The following RIPK3 variants were observed in gnomAD, a reference collection of about 807,000 sequenced individuals.
RIPK3 encodes the protein receptor-interacting serine/threonine-protein kinase 3.
In RIPK3, 51 loss-of-function variants were observed where a neutral mutation model predicts 51.6. The ratio of observed to expected loss-of-function variants is 0.99; its 90% confidence interval spans 0.79 to 1.25. The LOEUF (loss-of-function observed/expected upper bound fraction) is 1.25, where lower values mean the gene tolerates loss of function less well. Ranked by LOEUF, RIPK3 falls within the 50% of genes most tolerant of loss-of-function variation. The pLI is 0.00. For synonymous variants in RIPK3, 246 were observed against 257.7 expected (o/e 0.95, Z 0.44); for missense variants, 654 against 650.4 (o/e 1.01, Z -0.06).
Position 24,339,939 on chromosome 14 carries a change from C to G in RIPK3, c.-113G>C. 1 of 1,172,692 alleles carries G rather than the reference C, an allele frequency of 8.5e-7. No homozygotes were observed. The highest frequency in any genetic ancestry group is 1.2e-6 in the Non-Finnish European group (1 of 831,168). 72.6% of individuals were successfully genotyped at this position (1,172,692 alleles called of 1,614,324 possible). ...GGAAGGGGTCTGTCTGTGCAGGGGT[C>G]AGTCTCTAGACCAAGACGGTGAGTC... On this transcript the variant is annotated 5_prime_UTR_variant, in exon 1 of 10. Coordinates refer to ENST00000216274, the MANE Select transcript of RIPK3 (RefSeq NM_006871.4). This position sits in a 1 kb window ranked among gnomAD's most constrained non-coding sequence, Gnocchi z 4.0.
chr14:24,339,006 C>T lies in RIPK3; in HGVS notation c.471+9G>A. The stretch of plus-strand genomic sequence containing the variant: ...GTCTTGAGGCTGAGAGGGGTGTAGA[C>T]CAGCTGACCTTGACGTGCAGCTCTG... On this transcript the variant is annotated intron_variant, in intron 3 of 9. Coordinates refer to ENST00000216274, the MANE Select transcript of RIPK3 (RefSeq NM_006871.4). The surrounding 1 kb of genome is among the most constrained non-coding windows in gnomAD (Gnocchi z 4.0). The T allele has an allele frequency of 3.7e-6, 6 of 1,607,884 alleles. No individual in the cohort carries two copies. Among genetic ancestry groups the T allele is most frequent in the Non-Finnish European group, 5.1e-6 (6 of 1,174,282 alleles).
chr14:24,337,200 T>C lies in RIPK3; in HGVS notation c.1161A>G (p.Thr387=), dbSNP rs568665584. Residue 387 remains threonine, a synonymous_variant, in exon 8 of 10, where the codon ACA becomes ACG. Coordinates refer to ENST00000216274, the MANE Select transcript of RIPK3 (RefSeq NM_006871.4). The stretch of plus-strand genomic sequence containing the variant: ...GAGGTTGGGCCATCGAATCTGAAGA[T>C]GTGCCTGCTGTCCAGGCTTGTGGAA... ...EQVPQAWTAG[T]SSDSMAQPPQ... is the part of the protein sequence containing the mutation. 16 of 1,613,722 alleles carry C rather than the reference T, an allele frequency of 9.9e-6. No individual in the cohort carries two copies. In the South Asian group the frequency reaches 1.5e-4, roughly 16 times the overall value.
At chr14:24,338,698 C>T in intron 3 of RIPK3, 131 bp from the exon 4 acceptor site, 1 of 1,299,554 alleles carries the variant, frequency 7.7e-7, no homozygotes, top group Non-Finnish European at 1.1e-6. Flanking sequence ...GAAGAGGTTC[C>T]CTTGGATGGT....
At position 24,336,035 on chromosome 14, in the gene RIPK3, T is replaced by G; in HGVS notation, c.*140A>C. On this transcript the variant is annotated 3_prime_UTR_variant, in exon 10 of 10. Coordinates refer to ENST00000216274, the MANE Select transcript of RIPK3 (RefSeq NM_006871.4). The stretch of plus-strand genomic sequence containing the variant: ...TGAGCTCAGACTGACTAGCATTCCA[T>G]CATGTTTATTGACTCCTGGGGGACA... 1.3e-6 allele frequency: 1 copy of G among 788,978 alleles called. No homozygotes were observed. The highest frequency in any genetic ancestry group is 1.7e-5 in the African/African-American group (1 of 57,232). 48.9% of individuals were successfully genotyped at this position (788,978 alleles called of 1,614,324 possible).
rs1177458460 is a variant in RIPK3 at position 24,336,919 on chromosome 14, C to T, written c.1302G>A (p.Trp434Ter). The change falls in exon 9 of 10, where the codon TGG becomes TGA. Residue 434 changes from tryptophan (W) to a stop codon, truncating the protein, a stop_gained. Transcript: ENST00000216274. LOFTEE classifies it low-confidence loss of function (END_TRUNC). ...NQGAERQGMN[W>*]SCRTPEPNPV... Reference sequence around the variant, plus strand: ...GATTTGGCTCCGGGGTCCTGCAGGACCAGTTCATGCCTTGTCTCTCAGCCC... The same window carrying T: ...GATTTGGCTCCGGGGTCCTGCAGGATCAGTTCATGCCTTGTCTCTCAGCCC... 1 of 1,614,014 alleles carries T rather than the reference C, an allele frequency of 6.2e-7. No homozygotes were observed. Among genetic ancestry groups the T allele is most frequent in the Non-Finnish European group, 8.5e-7 (1 of 1,180,034 alleles).
chr14:24,337,389 C>T lies in RIPK3; in HGVS notation c.972G>A (p.Gly324=). The T allele has an allele frequency of 2.5e-6, 4 of 1,613,956 alleles. No individual in the cohort carries two copies. Among genetic ancestry groups the T allele is most frequent in the Non-Finnish European group, 3.4e-6 (4 of 1,179,922 alleles). ...RFSIPESGQG[G]TEMDGFRRTI... ...TTCTCCTAAAGCCATCCATTTCTGTCCCTCCTTGGCCTGACTCTGGGATAG... is the reference window on the plus strand; with the variant it reads ...TTCTCCTAAAGCCATCCATTTCTGTTCCTCCTTGGCCTGACTCTGGGATAG... Residue 324 remains glycine, a synonymous_variant, in exon 8 of 10, where the codon GGG becomes GGA. Transcript: ENST00000216274.
rs762329814 is a variant in RIPK3, at chr14:24,339,522, G to GA, written c.95dup (p.Gly33ArgfsTer9). 1 of 1,614,138 alleles carries GA rather than the reference G, an allele frequency of 6.2e-7. No homozygotes were observed. The highest frequency in any genetic ancestry group is 1.1e-5 in the South Asian group (1 of 91,080). ...TATGTTGCGCCCGGAACACTGTGCCGAACCCGCCTTTGCCGACGAGCTCCT... is the reference window on the plus strand; with the variant it reads ...TATGTTGCGCCCGGAACACTGTGCCGAAACCCGCCTTTGCCGACGAGCTCCT... On this transcript the variant is annotated frameshift_variant, in exon 2 of 10. Transcript: ENST00000216274. LOFTEE classifies it high-confidence loss of function. The surrounding 1 kb of genome is among the most constrained non-coding windows in gnomAD (Gnocchi z 4.0).
At position 24,337,069 on chromosome 14, in the gene RIPK3, T is replaced by A; in HGVS notation, c.1275+17A>T. 6.2e-7 allele frequency: 1 copy of A among 1,612,648 alleles called. No homozygotes were observed. Among genetic ancestry groups the A allele is most frequent in the East Asian group, 2.2e-5 (1 of 44,860 alleles). On this transcript the variant is annotated intron_variant, in intron 8 of 9. Coordinates refer to ENST00000216274, the MANE Select transcript of RIPK3 (RefSeq NM_006871.4). ...ATAGGACTCTTAGTGCATCCCCTAA[T>A]CCTGTCAATGTCTCACCTGATTCCC...
chr14:24,337,968 G>A lies in RIPK3; in HGVS notation c.737C>T (p.Pro246Leu), dbSNP rs776458938. ...GCCGGGAGTCTCAGGCCCGGCTTGG[G>A]GCAGCTCAGCCAATGAAGGCCGGTT... ...RQNRPSLAEL[P>L]QAGPETPGLE... is the part of the protein sequence containing the mutation. The change falls in exon 6 of 10, where the codon CCC becomes CTC. Residue 246 changes from proline (P) to leucine (L), a missense_variant. Coordinates refer to ENST00000216274, the MANE Select transcript of RIPK3 (RefSeq NM_006871.4). 4 of 1,614,076 alleles carry A rather than the reference G, an allele frequency of 2.5e-6. No individual in the cohort carries two copies. In the East Asian group the frequency reaches 8.9e-5, roughly 36 times the overall value.
At position 24,339,501 on chromosome 14, in the gene RIPK3, T is replaced by C. The variant is rs778438540; in HGVS notation, c.117A>G (p.Gln39=). 2 of 1,614,186 alleles carry C rather than the reference T, an allele frequency of 1.2e-6. No homozygotes were observed. The highest frequency in any genetic ancestry group is 2.2e-5 in the East Asian group (1 of 44,868). The stretch of plus-strand genomic sequence containing the variant: ...CCACATCGTAGCCCCACTTCCTATG[T>C]TGCGCCCGGAACACTGTGCCGAACC... The part of the protein sequence containing the change: ...KGGFGTVFRA[Q]HRKWGYDVAV... The change falls in exon 2 of 10, where the codon CAA becomes CAG. Residue 39 remains glutamine (Q), a synonymous_variant. Transcript: ENST00000216274. This position sits in a 1 kb window ranked among gnomAD's most constrained non-coding sequence, Gnocchi z 4.0.
Position 24,338,494 on chromosome 14 carries a change from G to T in RIPK3, c.545C>A (p.Thr182Asn), listed in dbSNP as rs765286280. 6.2e-7 allele frequency: 1 copy of T among 1,613,838 alleles called. No individual in the cohort carries two copies. The highest frequency in any genetic ancestry group is 8.5e-7 in the Non-Finnish European group (1 of 1,179,764). Reference protein sequence around the residue: ...SGTGSGEPGGTLGYLAPELFV... With the variant: ...SGTGSGEPGGNLGYLAPELFV... ...CAGTTCTGGGGCCAAGTAGCCCAGG[G>T]TGCCCCCTGGCTCCCCGGACCCTGT... is the stretch of plus-strand genomic sequence containing the variant. Residue 182 changes from threonine (T) to asparagine (N), a missense_variant, in exon 4 of 10, where the codon ACC (threonine) becomes AAC (asparagine). Thr to Asn is a moderately conservative substitution (Grantham distance 65). Coordinates refer to ENST00000216274, the MANE Select transcript of RIPK3 (RefSeq NM_006871.4).
At position 24,336,274 on chromosome 14, in the gene RIPK3, C is replaced by T; in HGVS notation, c.1458G>A (p.Arg486=). ...CTACTGGTGGGGGGTGCTGCAAGCC[C>T]CTCCCCTTGCCCGAAGGTGCCAAGC... ...TWGLAPSGKG[R]GLQHPPPVGS... Residue 486 remains arginine (R), a synonymous_variant, in exon 10 of 10, where the codon AGG becomes AGA. Coordinates refer to ENST00000216274, the MANE Select transcript of RIPK3 (RefSeq NM_006871.4). 1 of 1,614,056 alleles carries T rather than the reference C, an allele frequency of 6.2e-7. No homozygotes were observed. The highest frequency in any genetic ancestry group is 1.1e-5 in the South Asian group (1 of 91,084).
At position 24,336,244 on chromosome 14, in the gene RIPK3, C is replaced by T. The variant is rs200871983; in HGVS notation, c.1488G>A (p.Ser496=). Residue 496 remains serine, a synonymous_variant, in exon 10 of 10, where the codon TCG becomes TCA. Transcript: ENST00000216274. ...CTTCAGGATCTTTAGGGCCTTCTTG[C>T]GAACCTACTGGTGGGGGGTGCTGCA... ...RGLQHPPPVG[S]QEGPKDPEAW... 46 of 1,613,978 alleles carry T rather than the reference C, an allele frequency of 2.9e-5. No homozygotes were observed. The highest frequency in any genetic ancestry group is 4.5e-5 in the East Asian group (2 of 44,892).
Position 24,339,573 on chromosome 14 carries a change from C to G in RIPK3, c.45G>C (p.Leu15Phe). 1 of 1,614,224 alleles carries G rather than the reference C, an allele frequency of 6.2e-7. No individual in the cohort carries two copies. The highest frequency in any genetic ancestry group is 8.5e-7 in the Non-Finnish European group (1 of 1,180,040). Reference protein sequence around the residue: ...KLWPSGAPAPLVSIEELENQE... With the variant: ...KLWPSGAPAPFVSIEELENQE... The stretch of plus-strand genomic sequence containing the variant: ...GGTTCTCCAGTTCCTCGATGGACAC[C>G]AAGGGGGCGGGGGCACCGCTGGGCC... The change falls in exon 2 of 10, where the codon TTG becomes TTC. Residue 15 changes from leucine to phenylalanine, a missense_variant. Transcript: ENST00000216274. This position sits in a 1 kb window ranked among gnomAD's most constrained non-coding sequence, Gnocchi z 4.0.
Position 24,336,937 on chromosome 14 carries a change from C to G in RIPK3, c.1284G>C (p.Glu428Asp), listed in dbSNP as rs774060354. ...TGCAGGACCAGTTCATGCCTTGTCTCTCAGCCCCCTGCAAACAGCACAGAG... is the reference window on the plus strand; with the variant it reads ...TGCAGGACCAGTTCATGCCTTGTCTGTCAGCCCCCTGCAAACAGCACAGAG... ...SPGPRGNQGA[E>D]RQGMNWSCRT... The change falls in exon 9 of 10, where the codon GAG becomes GAC. Residue 428 changes from glutamate to aspartate, a missense_variant. Transcript: ENST00000216274. 1.2e-6 allele frequency: 2 copies of G among 1,614,060 alleles called. No individual in the cohort carries two copies. The highest frequency in any genetic ancestry group is 8.5e-7 in the Non-Finnish European group (1 of 1,179,934).
At position 24,336,962 on chromosome 14, in the gene RIPK3, G is replaced by A. The variant is rs2139238903; in HGVS notation, c.1276-17C>T. On this transcript the variant is annotated splice_polypyrimidine_tract_variant and intron_variant, in intron 8 of 9. Transcript: ENST00000216274. ...CTCAGCCCCCTGCAAACAGCACAGAGCATCCAGTTCTGCCCTGGAGCCTGG... is the reference window on the plus strand; with the variant it reads ...CTCAGCCCCCTGCAAACAGCACAGAACATCCAGTTCTGCCCTGGAGCCTGG... 12 of 1,613,198 alleles carry A rather than the reference G, an allele frequency of 7.4e-6. No homozygotes were observed. Among genetic ancestry groups the A allele is most frequent in the Non-Finnish European group, 1.0e-5 (12 of 1,179,380 alleles).
chr14:24,336,747 A>C (rs1254048158), intron 9 of RIPK3, 138 bp downstream of exon 9: 4 of 898,222 alleles, frequency 4.5e-6, no homozygotes, highest in Non-Finnish European at 7.4e-6. Context: ...CGGTTTTCCC[A>C]TTTATGAAAT....
chr14:24,336,053 G>A lies in RIPK3; in HGVS notation c.*122C>T, dbSNP rs575139660. The A allele has an allele frequency of 2.8e-5, 27 of 965,166 alleles. No homozygotes were observed. Among genetic ancestry groups the A allele is most frequent in the Non-Finnish European group, 4.0e-5 (26 of 658,036 alleles). The allele number at this position is 965,166 out of a possible 1,614,324, so 59.8% of individuals were successfully genotyped here. A position where few individuals can be genotyped will look rare whatever the true frequency, so the allele number is the denominator to read the frequency against. ...CATTCCATCATGTTTATTGACTCCT[G>A]GGGGACAGGTCACAAAGTCAGTTTG... On this transcript the variant is annotated 3_prime_UTR_variant, in exon 10 of 10. Coordinates refer to ENST00000216274, the MANE Select transcript of RIPK3 (RefSeq NM_006871.4).
In RIPK3 at chr14:24,337,132, C is replaced by G. The variant is rs1388153274; in HGVS notation, c.1229G>C (p.Ser410Thr). The change falls in exon 8 of 10, where the codon AGC becomes ACC. Residue 410 changes from serine to threonine, a missense_variant. Transcript: ENST00000216274. ...ACTTGGTGTTCCAGTTGAGGTAGGG[C>G]TGGGCATCTGGTTTCTGAAAGTTGA... ...ETSTFRNQMP[S>T]PTSTGTPSPG... 6.2e-7 allele frequency: 1 copy of G among 1,610,800 alleles called. No homozygotes were observed. The highest frequency in any genetic ancestry group is 8.5e-7 in the Non-Finnish European group (1 of 1,179,998).
Sources: gnomAD v4.1 joint callset for allele counts on GRCh38, gnomAD v4.1.1 for gene constraint, Gnocchi (gnomAD v3.1) non-coding constraint, MANE v1.5 for transcripts, NCBI Gene and HGNC (gene_info 2026-07-23, HGNC 2026-07-21) for gene names.